Variants in ZNF248 observed in about 807,000 individuals in gnomAD.
The protein encoded by ZNF248 is KRAB protein domain.
A neutral mutation model predicts 44.3 loss-of-function variants in ZNF248; 20 were observed. The observed-to-expected ratio is 0.45, with a 90% confidence interval of 0.32 to 0.66. ZNF248 has a LOEUF of 0.66. Among genes scored for constraint, ZNF248 ranks in the 30% least tolerant of loss-of-function variants. The pLI, the probability that ZNF248 is intolerant of heterozygous loss-of-function variation, is 0.04. For synonymous variants in ZNF248, 224 were observed against 229.0 expected (o/e 0.98, Z 0.20); for missense variants, 654 against 677.0 (o/e 0.97, Z 0.38).
chr10:37,758,808 T>C, the ZNF248 span, among the ~76,000 whole-genome samples: 3 of 152,254 alleles, frequency 2.0e-5, no homozygotes, highest in Non-Finnish European at 1.5e-5. Flanking sequence ...TCTGTTTCCC[T>C]GTTTTTAATG....
At chr10:37,820,916 C>G (rs2053360653) in intron 6 of ZNF248, 3 of 1,556,268 alleles carry the variant, frequency 1.9e-6, no homozygotes, top group Non-Finnish European at 2.7e-6. Context: ...CTAATACCTA[C>G]TCTAGTAAAC....
upstream of ZNF248, chr10:37,858,092 G>A (rs1383755131): frequency 6.6e-6 from 1 of 152,440 alleles, no homozygotes; most frequent in Admixed American, 6.5e-5. Context: ...AGCGGGAGGC[G>A]GGGATGCACA....
At chr10:37,816,590 C>T (rs78731678) in intron 6 of ZNF248, among the ~76,000 whole-genome samples, 2,309 of 152,240 alleles carry the variant, frequency 0.015, 27 homozygotes, top group South Asian at 0.031. Context: ...CTGGTAAACA[C>T]GTGGCCTATG....
At chr10:37,825,033 T>A (rs1377187635), downstream of ZNF248, among the ~76,000 whole-genome samples, 4 of 151,790 alleles carry the variant, frequency 2.6e-5, no homozygotes, top group Non-Finnish European at 5.9e-5. Flanking sequence ...TAAAAAAAAA[T>A]ATTCCCATAG....
chr10:37,798,122 A>G (rs1201720995), intron 6 of ZNF248, among the ~76,000 whole-genome samples: 1 of 152,188 alleles, frequency 6.6e-6, no homozygotes, highest in Non-Finnish European at 1.5e-5. Context: ...AATGTAATAC[A>G]ACACAGCTTT....
Position 37,829,986 on chromosome 10 carries a change from AGT to A in ZNF248, c.*1627_*1628del. The A allele has an allele frequency of 7.1e-6, 7 of 985,440 alleles. No individual in the cohort carries two copies. Among genetic ancestry groups the A allele is most frequent in the Non-Finnish European group, 8.4e-6 (7 of 829,936 alleles). 61.0% of individuals were successfully genotyped at this position (985,440 alleles called of 1,614,324 possible). A position where few individuals can be genotyped will look rare whatever the true frequency, so the allele number is the denominator to read the frequency against. The stretch of plus-strand genomic sequence containing the variant: ...AGTAGGGAATGGCCATCATGTGGGC[AGT>A]GTCTCTTAGAACTGCTGACCAATGT... On this transcript the variant is annotated 3_prime_UTR_variant, in exon 6 of 6. Coordinates refer to ENST00000395867, the MANE Select transcript of ZNF248 (RefSeq NM_021045.3).
At chr10:37,817,378 A>ATT (rs1247217320) in intron 6 of ZNF248, among the ~76,000 whole-genome samples, 20 of 114,172 alleles carry the variant, frequency 1.8e-4, no homozygotes, top group Admixed American at 6.1e-4. Context: ...TTATTTTTAA[A>ATT]AAAAAAATAG....
chr10:37,849,369 G>T (rs543996892), intron 3 of ZNF248, among the ~76,000 whole-genome samples: 1 of 152,142 alleles, frequency 6.6e-6, no homozygotes, highest in South Asian at 2.1e-4. Context: ...TTCACAAATG[G>T]TGAAAAATTT....
At position 37,831,623 on chromosome 10, in the gene ZNF248, T is replaced by C. The variant is rs906436519; in HGVS notation, c.1732A>G (p.Thr578Ala). 7 of 1,612,222 alleles carry C rather than the reference T, an allele frequency of 4.3e-6. No homozygotes were observed. The highest frequency in any genetic ancestry group is 5.9e-6 in the Non-Finnish European group (7 of 1,178,634). Residue 578 changes from threonine to alanine, a missense_variant, in exon 6 of 6, where the codon ACA becomes GCA. Thr to Ala is a moderately conservative substitution (Grantham distance 58). Transcript: ENST00000395867. ...RIHTRVKALSTS is the reference protein window; with the variant it reads ...RIHTRVKALSAS ...ATGAAGGCTTCTAACATTCAGGATG[T>C]TGAAAGAGCTTTCACCCTTGTGTGA...
At position 37,837,659 on chromosome 10, in the gene ZNF248, G is replaced by A. The variant is rs1799188903; in HGVS notation, c.196C>T (p.Pro66Ser). 6.2e-7 allele frequency: 1 copy of A among 1,613,896 alleles called. No homozygotes were observed. Among genetic ancestry groups the A allele is most frequent in the Non-Finnish European group, 8.5e-7 (1 of 1,180,002 alleles). Reference protein sequence around the residue: ...VIFKIEQGEEPWILEKGFPSQ... With the variant: ...VIFKIEQGEESWILEKGFPSQ... ...GGGAATCCTTTTTCTAATATCCAGGGCTCTTCTCCTTGCTCGATCTTAAAG... is the reference window on the plus strand; with the variant it reads ...GGGAATCCTTTTTCTAATATCCAGGACTCTTCTCCTTGCTCGATCTTAAAG... The change falls in exon 5 of 6, where the codon CCC becomes TCC. Residue 66 changes from proline (P) to serine (S), a missense_variant. Coordinates refer to ENST00000395867, the MANE Select transcript of ZNF248 (RefSeq NM_021045.3).
intron 6 of ZNF248, among the ~76,000 whole-genome samples, chr10:37,804,106 T>TCTTTTTC (rs58677007): frequency 7.1e-6 from 1 of 141,678 alleles, no homozygotes; most frequent in Non-Finnish European, 1.5e-5. Flanking sequence ...TTTTTCTTTT[T>TCTTTTTC]TTTTTTTTTT....
At chr10:37,824,636 AC>A (rs2054046760), downstream of ZNF248, among the ~76,000 whole-genome samples, 1 of 148,628 alleles carries the variant, frequency 6.7e-6, no homozygotes, top group South Asian at 2.1e-4. Flanking sequence ...TAATGTTAAG[AC>A]TGCATACCAA....
intron 5 of ZNF248, among the ~76,000 whole-genome samples, chr10:37,833,878 T>C (rs1267061727): frequency 6.6e-6 from 1 of 152,134 alleles, no homozygotes; most frequent in Non-Finnish European, 1.5e-5. Context: ...TCAAGGGAGT[T>C]GTTTTTTTAA....
At chr10:37,778,136 G>A (rs1246857516) in intron 6 of ZNF248, among the ~76,000 whole-genome samples, 1 of 152,118 alleles carries the variant, frequency 6.6e-6, no homozygotes, top group African/African-American at 2.4e-5. Context: ...GGTTGAACTA[G>A]TTTACAGTCC....
At chr10:37,768,569 C>A in the ZNF248 span, among the ~76,000 whole-genome samples, 29 of 152,098 alleles carry the variant, frequency 1.9e-4, no homozygotes, top group Non-Finnish European at 7.3e-5. Context: ...TTCTTTCAAA[C>A]CAACAAGAAC....
intron 6 of ZNF248, among the ~76,000 whole-genome samples, chr10:37,797,643 G>T (rs764661845): frequency 6.6e-6 from 1 of 151,988 alleles, no homozygotes; most frequent in Non-Finnish European, 1.5e-5. Flanking sequence ...AGCAGGCAAA[G>T]GATATGAATA....
chr10:37,773,955 C>T (rs1478086546), downstream of ZNF248, among the ~76,000 whole-genome samples: 1 of 151,830 alleles, frequency 6.6e-6, no homozygotes, highest in African/African-American at 2.4e-5. Context: ...CGACCAGCCC[C>T]TATAATCACA....
At chr10:37,805,534 T>A (rs182383430) in intron 6 of ZNF248, among the ~76,000 whole-genome samples, 6 of 152,358 alleles carry the variant, frequency 3.9e-5, no homozygotes, top group Non-Finnish European at 7.3e-5. Context: ...ATATTTTCTT[T>A]ATTTCCACAT....
At position 37,830,300 on chromosome 10, in the gene ZNF248, T is replaced by C. The variant is rs553917302; in HGVS notation, c.*1315A>G. On this transcript the variant is annotated 3_prime_UTR_variant, in exon 6 of 6. Coordinates refer to ENST00000395867, the MANE Select transcript of ZNF248 (RefSeq NM_021045.3). ...CCTCAGAAAAGTACTGTTTAACTTC[T>C]TTACTGAAGTGATAGTTCAATAATG... 2.0e-6 allele frequency: 2 copies of C among 985,402 alleles called. No individual in the cohort carries two copies. Among genetic ancestry groups the C allele is most frequent in the South Asian group, 9.4e-5 (2 of 21,284 alleles). 61.0% of individuals were successfully genotyped at this position (985,402 alleles called of 1,614,324 possible). A position where few individuals can be genotyped will look rare whatever the true frequency, so the allele number is the denominator to read the frequency against.
Sources: allele counts gnomAD v4.1 joint callset (sites outside exome capture counted in the v4.1 genomes callset), GRCh38; gene constraint gnomAD v4.1.1; transcripts MANE v1.5; gene names NCBI Gene and HGNC (gene_info 2026-07-23, HGNC 2026-07-21).